The following MYO1C variants were observed in gnomAD, a reference collection of about 807,000 sequenced individuals.
The protein encoded by MYO1C is unconventional myosin-Ic.
MYO1C carries 104 observed loss-of-function variants against 150.8 expected under a neutral mutation model. The ratio of observed to expected loss-of-function variants is 0.69; its 90% CI spans 0.59 to 0.81. The LOEUF is 0.81. Ranked by LOEUF, MYO1C falls within the 30% of genes least tolerant of loss-of-function variation. The probability of loss-of-function intolerance (pLI) is 0.00; values close to 1 mark genes in which losing one functional copy is unlikely to be tolerated. For synonymous variants in MYO1C, 663 were observed against 579.9 expected (o/e 1.14, Z -2.06); for missense variants, 1,504 against 1,435.0 (o/e 1.05, Z -0.78).
At chr17:1,472,993 G>C (rs2074335123) in intron 17 of MYO1C, among the ~76,000 whole-genome samples, 1 of 152,154 alleles carries the variant, frequency 6.6e-6, no homozygotes, top group Non-Finnish European at 1.5e-5. Context: ...CTGAGGTCAG[G>C]AGTTTAAGAC....
At chr17:1,470,411 CCCA>C (rs1284380869) in intron 23 of MYO1C, 21 bp downstream of exon 23, 1 of 1,549,950 alleles carries the variant, frequency 6.5e-7, no homozygotes, top group East Asian at 2.4e-5. Flanking sequence ...CTCTGCAGCC[CCCA>C]CAAGGCACCC....
At chr17:1,485,125 G>A in intron 1 of MYO1C, 5 of 1,213,450 alleles carry the variant, frequency 4.1e-6, no homozygotes, top group South Asian at 1.5e-5. Context: ...GCTTTACCAT[G>A]GAAAGCCCAG....
intron 2 of MYO1C, 146 bp from the exon 3 acceptor site, chr17:1,483,871 C>T (rs988403557): frequency 2.9e-5 from 21 of 729,934 alleles, no homozygotes; most frequent in South Asian, 7.0e-5. Context: ...TGGAGAAATC[C>T]GTCTCTACTA....
chr17:1,471,454 A>G (rs1482866731), intron 19 of MYO1C, 118 bp from the exon 20 acceptor site: 7 of 810,430 alleles, frequency 8.6e-6, no homozygotes, highest in Non-Finnish European at 6.3e-6. Context: ...AGCTAGCAGG[A>G]GGCTCACTCG....
At chr17:1,471,855 G>A (rs2074309788) in intron 19 of MYO1C, 52 bp downstream of exon 19, 4 of 1,569,510 alleles carry the variant, frequency 2.5e-6, no homozygotes, top group South Asian at 2.2e-5. Context: ...GGACCTAGGG[G>A]CTCCTACCCT....
In MYO1C at chr17:1,487,528, G is replaced by C. The variant is rs576744362; in HGVS notation, c.76-3225C>G. Among the ~76,000 whole-genome samples, 16 of 152,350 alleles carry C rather than the reference G, an allele frequency of 1.1e-4. No homozygotes were observed. The East Asian group carries it at 2.7e-3, about 26-fold the overall frequency. ...CCCCCGAGCGGGGGCACCAGCTGGT[G>C]GGGGAGTGGGAGCGGGGGAGGGGGA... is the stretch of plus-strand genomic sequence containing the variant. On this transcript the variant is annotated intron_variant, in intron 1 of 31. Transcript: ENST00000648651.
chr17:1,469,493 TCCACTTCCTCATCCTCACCC>T lies in MYO1C; in HGVS notation c.2610+18_2610+37del, dbSNP rs2074254028. On this transcript the variant is annotated intron_variant, in intron 25 of 31. Transcript: ENST00000648651. ...TGAGCAATGCTTGCGACTCCCTGAC[TCCACTTCCTCATCCTCACCC>T]AGCCCCGCTCTCCGTACCTGCTGCT... 14 of 1,501,968 alleles carry T rather than the reference TCCACTTCCTCATCCTCACCC, an allele frequency of 9.3e-6. No individual in the cohort carries two copies. The South Asian group carries it at 1.6e-4, about 18-fold the overall frequency. The allele number at this position is 1,501,968 out of a possible 1,614,324, so 93.0% of individuals were successfully genotyped here. A position where few individuals can be genotyped will look rare whatever the true frequency, so the allele number is the denominator to read the frequency against.
Position 1,492,580 on chromosome 17 carries a change from A to G in MYO1C, c.-93T>C, listed in dbSNP as rs1010042552. On this transcript the variant is annotated 5_prime_UTR_variant, in exon 1 of 32. Coordinates refer to ENST00000648651, the MANE Select transcript of MYO1C (RefSeq NM_001080779.2). Reference sequence around the variant, plus strand: ...GGGCTCCGACCACTCCGGGACCAGGAACCTACGGTCTAACGCCGGGATGGC... The same window carrying G: ...GGGCTCCGACCACTCCGGGACCAGGGACCTACGGTCTAACGCCGGGATGGC... The G allele has an allele frequency of 8.1e-7, 1 of 1,230,138 alleles. No individual in the cohort carries two copies. The highest frequency in any genetic ancestry group is 1.5e-5 in the African/African-American group (1 of 66,622). 76.2% of individuals were successfully genotyped at this position (1,230,138 alleles called of 1,614,324 possible). A position where few individuals can be genotyped will look rare whatever the true frequency, so the allele number is the denominator to read the frequency against.
chr17:1,468,699 A>T, intron 25 of MYO1C: 1 of 609,000 alleles, frequency 1.6e-6, no homozygotes, highest in South Asian at 1.9e-5. Context: ...AGCACTCCCC[A>T]GCGGGGTCAT....
In MYO1C at chr17:1,479,660, G is replaced by A; in HGVS notation, c.952C>T (p.His318Tyr). 1 of 1,613,676 alleles carries A rather than the reference G, an allele frequency of 6.2e-7. No homozygotes were observed. The highest frequency in any genetic ancestry group is 8.5e-7 in the Non-Finnish European group (1 of 1,179,908). ...VASVLHLGNI[H>Y]FAANEESNAQ... ...TTGCTCTCCTCGTTGGCAGCAAAGT[G>A]GATGTTGCCCAAATGAAGGACGCTG... Residue 318 changes from histidine (H) to tyrosine (Y), a missense_variant, in exon 8 of 32, where the codon CAC becomes TAC. Physicochemically the swap from His to Tyr is moderately conservative, Grantham distance 83. Coordinates refer to ENST00000648651, the MANE Select transcript of MYO1C (RefSeq NM_001080779.2). The surrounding 1 kb of genome is among the most constrained non-coding windows in gnomAD (Gnocchi z 4.2).
intron 1 of MYO1C, chr17:1,485,599 G>A (rs1472225664): frequency 1.1e-5 from 11 of 973,480 alleles, no homozygotes; most frequent in Non-Finnish European, 1.3e-5. Context: ...GGAATTCCTG[G>A]GCCGCGCCCG....
In MYO1C at chr17:1,480,721, G is replaced by A. The variant is rs2074502691; in HGVS notation, c.792C>T (p.Tyr264=). 3 of 1,614,032 alleles carry A rather than the reference G, an allele frequency of 1.9e-6. No homozygotes were observed. The highest frequency in any genetic ancestry group is 1.3e-5 in the African/African-American group (1 of 74,918). Residue 264 remains tyrosine, a synonymous_variant, in exon 6 of 32, where the codon TAC becomes TAT. Transcript: ENST00000648651. Reference sequence around the variant, plus strand: ...AGCCACTCACCTTCACCAGGTACAGGTAGCTCTGGGGGTTCCGTTCCAAGC... The same window carrying A: ...AGCCACTCACCTTCACCAGGTACAGATAGCTCTGGGGGTTCCGTTCCAAGC... The part of the protein sequence containing the change: ...RLGLERNPQS[Y]LYLVKGQCAK...
chr17:1,475,600 C>T (rs1299793994), intron 14 of MYO1C, among the ~76,000 whole-genome samples: 1 of 152,274 alleles, frequency 6.6e-6, no homozygotes, highest in African/African-American at 2.4e-5. Flanking sequence ...CCGCTGCGGG[C>T]TCTGCTCAGA....
chr17:1,479,785 GGGGT>G lies in MYO1C; in HGVS notation c.907-84_907-81del. Reference sequence around the variant, plus strand: ...AGGGCAACTAGCAGATGGCCATGCAGGGGTGGGTGGTGAAGTGTCGGAGAGAAGG... The same window carrying G: ...AGGGCAACTAGCAGATGGCCATGCAGGGGTGGTGAAGTGTCGGAGAGAAGG... On this transcript the variant is annotated intron_variant, in intron 7 of 31. Coordinates refer to ENST00000648651, the MANE Select transcript of MYO1C (RefSeq NM_001080779.2). This position sits in a 1 kb window ranked among gnomAD's most constrained non-coding sequence, Gnocchi z 4.2. 1.0e-6 allele frequency: 1 copy of G among 961,426 alleles called. No homozygotes were observed. The highest frequency in any genetic ancestry group is 1.6e-6 in the Non-Finnish European group (1 of 617,572). 59.6% of individuals were successfully genotyped at this position (961,426 alleles called of 1,614,324 possible). A position where few individuals can be genotyped will look rare whatever the true frequency, so the allele number is the denominator to read the frequency against.
rs1598334722 is a variant in MYO1C, at chr17:1,477,524, G to A, written c.1555C>T (p.His519Tyr). 2 of 1,613,654 alleles carry A rather than the reference G, an allele frequency of 1.2e-6. No homozygotes were observed. Among genetic ancestry groups the A allele is most frequent in the East Asian group, 4.5e-5 (2 of 44,878 alleles). ...ACTCACGTCAGGAAGTGTGGATGGT[G>A]CTTGACAGTATCCTCCAGCTTCTCC... ...FLEKLEDTVK[H>Y]HPHFLTHKLA... Residue 519 changes from histidine (H) to tyrosine (Y), a missense_variant, in exon 14 of 32, where the codon CAC (histidine) becomes TAC (tyrosine). By Grantham distance (83) the His-to-Tyr change is moderately conservative (BLOSUM62 2). Transcript: ENST00000648651.
At chr17:1,483,981 A>G (rs2074595174) in intron 2 of MYO1C, among the ~76,000 whole-genome samples, 167 bp downstream of exon 2, 1 of 151,808 alleles carries the variant, frequency 6.6e-6, no homozygotes, top group East Asian at 1.9e-4. Flanking sequence ...GGAGGAGGTT[A>G]CAGTGAGCTG....
chr17:1,484,430 G>T, intron 1 of MYO1C, 127 bp from the exon 2 acceptor site: 1 of 1,193,832 alleles, frequency 8.4e-7, no homozygotes, highest in Non-Finnish European at 1.2e-6. Flanking sequence ...CGGGACATGA[G>T]CATGACGGGT....
chr17:1,479,943 C>A lies in MYO1C; in HGVS notation c.907-238G>T, dbSNP rs546864610. Among the ~76,000 whole-genome samples the A allele has an allele frequency of 1.3e-4, 19 of 151,248 alleles. No individual in the cohort carries two copies. The highest frequency in any genetic ancestry group is 2.5e-4 in the Non-Finnish European group (17 of 67,802). On this transcript the variant is annotated intron_variant, in intron 7 of 31. Coordinates refer to ENST00000648651, the MANE Select transcript of MYO1C (RefSeq NM_001080779.2). This position sits in a 1 kb window ranked among gnomAD's most constrained non-coding sequence, Gnocchi z 4.2. ...GGAGGATCATCTGAGGTCAGGAGTT[C>A]GAGACCAGCCCAGCCAACATGGCAA...
chr17:1,473,707 TCTC>T (rs1244615375), intron 17 of MYO1C, among the ~76,000 whole-genome samples: 1 of 152,096 alleles, frequency 6.6e-6, no homozygotes, highest in African/African-American at 2.4e-5. Context: ...CCCCGGTCCT[TCTC>T]CTTGATGCCA....
Sources: gnomAD v4.1 joint callset for allele counts (sites outside exome capture counted in the v4.1 genomes callset) on GRCh38, gnomAD v4.1.1 for gene constraint, Gnocchi (gnomAD v3.1) non-coding constraint, MANE v1.5 for transcripts, NCBI Gene and HGNC (gene_info 2026-07-23, HGNC 2026-07-21) for gene names.